APPBP2: variants seen among roughly 807,000 people sequenced by gnomAD.
The protein encoded by APPBP2 is amyloid protein-binding protein 2.
A neutral mutation model predicts 76.0 loss-of-function variants in APPBP2; 15 were observed. The ratio of observed to expected loss-of-function variants is 0.20; its 90% CI spans 0.13 to 0.30. The LOEUF (loss-of-function observed/expected upper bound fraction) is 0.30, where lower values mean the gene tolerates loss of function less well. Among genes scored for constraint, APPBP2 ranks in the 10% least tolerant of loss-of-function variants. The pLI is 1.00. For missense variants in APPBP2, 401 were observed against 687.2 expected (o/e 0.58, Z 4.66); for synonymous variants, 222 against 242.2 (o/e 0.92, Z 0.77).
At chr17:60,497,362 G>C (rs2143443898) in intron 2 of APPBP2, among the ~76,000 whole-genome samples, 1 of 152,256 alleles carries the variant, frequency 6.6e-6, no homozygotes, top group East Asian at 1.9e-4. Flanking sequence ...GGGTAACTGG[G>C]AGAGGGGGGC....
chr17:60,488,996 G>T (rs2090703959), intron 3 of APPBP2, among the ~76,000 whole-genome samples: 1 of 146,890 alleles, frequency 6.8e-6, no homozygotes, highest in Non-Finnish European at 1.5e-5. Flanking sequence ...ACTGAGCTGG[G>T]TGGATCACGA....
chr17:60,492,610 C>T (rs761925597), intron 3 of APPBP2, among the ~76,000 whole-genome samples: 3 of 152,182 alleles, frequency 2.0e-5, no homozygotes, highest in Non-Finnish European at 4.4e-5. Context: ...TTGACTACTC[C>T]ACTGGATTCC....
intron 11 of APPBP2, among the ~76,000 whole-genome samples, chr17:60,453,536 G>GT (rs544790789): frequency 0.029 from 4,070 of 140,268 alleles, 105 homozygotes; most frequent in African/African-American, 0.06. Context: ...TCATGATCCT[G>GT]TTTTTTTTTT....
intron 5 of APPBP2, chr17:60,464,714 C>A: frequency 6.6e-6 from 1 of 152,572 alleles, no homozygotes; most frequent in Non-Finnish European, 1.5e-5. Context: ...AAATGTCCTT[C>A]CTCTCCTGGT....
chr17:60,475,933 G>A (rs1293155872), intron 4 of APPBP2, among the ~76,000 whole-genome samples: 1 of 152,056 alleles, frequency 6.6e-6, no homozygotes, highest in Non-Finnish European at 1.5e-5. Context: ...GGACTGATTA[G>A]CTCCAAAGAA....
In APPBP2 at chr17:60,473,115, C is replaced by T. The variant is rs184460578; in HGVS notation, c.503+6033G>A. Among the ~76,000 whole-genome samples the T allele has an allele frequency of 3.3e-5, 5 of 152,266 alleles. No individual in the cohort carries two copies. The East Asian group carries it at 5.8e-4, about 18-fold the overall frequency. On this transcript the variant is annotated intron_variant, in intron 4 of 12. Coordinates refer to ENST00000083182, the MANE Select transcript of APPBP2 (RefSeq NM_006380.5). ...GTGATGATAATTATATTTGGTCTAA[C>T]CTTTTCATCTTATTTTTCACTTATC...
At chr17:60,472,729 T>C (rs749955010) in intron 4 of APPBP2, among the ~76,000 whole-genome samples, 4 of 152,306 alleles carry the variant, frequency 2.6e-5, no homozygotes, top group South Asian at 4.1e-4. Flanking sequence ...AGCAGACAGA[T>C]TGAAAGAATC....
chr17:60,466,093 A>G (rs565260229), intron 5 of APPBP2, among the ~76,000 whole-genome samples, 198 bp downstream of exon 5: 3 of 152,138 alleles, frequency 2.0e-5, no homozygotes, highest in Non-Finnish European at 4.4e-5. Flanking sequence ...TTGGCCTCCT[A>G]AAGTTCTGGG....
chr17:60,489,864 G>A (rs773032553), intron 3 of APPBP2, among the ~76,000 whole-genome samples: 3 of 151,638 alleles, frequency 2.0e-5, no homozygotes, highest in Admixed American at 1.3e-4. Context: ...GGTGAACCCC[G>A]TCTCTACTAA....
chr17:60,472,112 T>G (rs2090556838), intron 4 of APPBP2, among the ~76,000 whole-genome samples: 1 of 151,904 alleles, frequency 6.6e-6, no homozygotes, highest in South Asian at 2.1e-4. Context: ...GGCAAAAGAG[T>G]AAGACTCTGT....
chr17:60,481,415 A>G (rs1567928437), intron 3 of APPBP2, among the ~76,000 whole-genome samples: 1 of 152,120 alleles, frequency 6.6e-6, no homozygotes, highest in African/African-American at 2.4e-5. Context: ...ACACAGTGAG[A>G]CCCTGTCTCC....
intron 4 of APPBP2, among the ~76,000 whole-genome samples, chr17:60,467,974 C>T (rs1036095080): frequency 2.0e-5 from 3 of 152,038 alleles, no homozygotes; most frequent in African/African-American, 2.4e-5. Flanking sequence ...TAGCACCTTG[C>T]GGGCCGTGGA....
rs535256385 is a variant in APPBP2 at position 60,471,231 on chromosome 17, T to A, written c.504-4772A>T. On this transcript the variant is annotated intron_variant, in intron 4 of 12. Transcript: ENST00000083182. Reference sequence around the variant, plus strand: ...TTTTTATTTTCTTGATGTTTTTGATTTACAAAAGTTTTTATTTTGATTAAG... The same window carrying A: ...TTTTTATTTTCTTGATGTTTTTGATATACAAAAGTTTTTATTTTGATTAAG... 2.0e-5 allele frequency among the ~76,000 whole-genome samples: 3 copies of A among 152,342 alleles called. No homozygotes were observed. The East Asian group carries it at 5.8e-4, about 29-fold the overall frequency.
At position 60,507,734 on chromosome 17, in the gene APPBP2, A is replaced by G. The variant is rs532305654; in HGVS notation, c.139-7247T>C. On this transcript the variant is annotated intron_variant, in intron 1 of 12. Coordinates refer to ENST00000083182, the MANE Select transcript of APPBP2 (RefSeq NM_006380.5). ...CGGTTGGTAAATTTGATACTTTGGGAAAAACCTCACTTTCACACAGTTGAC... is the reference window on the plus strand; with the variant it reads ...CGGTTGGTAAATTTGATACTTTGGGGAAAACCTCACTTTCACACAGTTGAC... 4.6e-5 allele frequency among the ~76,000 whole-genome samples: 7 copies of G among 152,288 alleles called. No individual in the cohort carries two copies. The South Asian group carries it at 1.5e-3, about 32-fold the overall frequency.
At chr17:60,461,374 CA>C (rs536742229) in intron 8 of APPBP2, 12,583 of 146,020 alleles carry the variant, frequency 0.086, 1,670 homozygotes, top group African/African-American at 0.29. Context: ...AACTGTGTCT[CA>C]AAAAAAAAAA....
At chr17:60,452,123 C>A (rs2090399851) in intron 11 of APPBP2, 78 bp from the exon 12 acceptor site, 2 of 1,386,254 alleles carry the variant, frequency 1.4e-6, no homozygotes, top group Non-Finnish European at 2.0e-6. Context: ...CAAAACTGAT[C>A]TAAATGCCAA....
chr17:60,514,930 A>C (rs930654518), intron 1 of APPBP2, among the ~76,000 whole-genome samples: 5 of 151,926 alleles, frequency 3.3e-5, no homozygotes, highest in African/African-American at 1.2e-4. Flanking sequence ...TAGCCTCCCA[A>C]GTAGCTGGGA....
intron 2 of APPBP2, among the ~76,000 whole-genome samples, chr17:60,498,329 G>A (rs1227773168): frequency 6.6e-6 from 1 of 152,032 alleles, no homozygotes; most frequent in African/African-American, 2.4e-5. Context: ...GCTTCTGTTT[G>A]GGTTGTACAA....
At chr17:60,496,046 T>G (rs1395662245) in intron 2 of APPBP2, among the ~76,000 whole-genome samples, 1 of 152,078 alleles carries the variant, frequency 6.6e-6, no homozygotes, top group Non-Finnish European at 1.5e-5. Context: ...CATATAAGAA[T>G]CAACTTATAT....
Sources: gnomAD v4.1 joint callset for allele counts (sites outside exome capture counted in the v4.1 genomes callset) on GRCh38, gnomAD v4.1.1 for gene constraint, MANE v1.5 for transcripts, NCBI Gene and HGNC (gene_info 2026-07-23, HGNC 2026-07-21) for gene names.